NARS1: variants seen among roughly 807,000 people sequenced by gnomAD.
The protein encoded by NARS1 is asparagine--tRNA ligase, cytoplasmic.
In NARS1, 65 loss-of-function variants were observed where a neutral mutation model predicts 79.2. The observed-to-expected ratio is 0.82, with a 90% CI of 0.67 to 1.01. NARS1 has a LOEUF of 1.01. NARS1 is among the 50% of genes least tolerant of loss of function. NARS1 has a pLI of 0.00. For synonymous variants in NARS1, 229 were observed against 238.8 expected (o/e 0.96, Z 0.38); for missense variants, 649 against 673.8 (o/e 0.96, Z 0.41).
chr18:57,603,588 C>T (rs2051528490), intron 11 of NARS1, among the ~76,000 whole-genome samples: 1 of 152,170 alleles, frequency 6.6e-6, no homozygotes, highest in Non-Finnish European at 1.5e-5. Flanking sequence ...TCAAAACATC[C>T]TTCTATACCA....
chr18:57,613,594 C>T lies in NARS1; in HGVS notation c.421+8G>A. 6.2e-7 allele frequency: 1 copy of T among 1,608,922 alleles called. No individual in the cohort carries two copies. Among genetic ancestry groups the T allele is most frequent in the Non-Finnish European group, 8.5e-7 (1 of 1,176,328 alleles). On this transcript the variant is annotated splice_region_variant and intron_variant, in intron 5 of 13. Transcript: ENST00000256854. Reference sequence around the variant, plus strand: ...ACATTAAAAAGAAGGAAAAGCTTTGCCATTTACCTTGCCTGCGCAGCCTGT... The same window carrying T: ...ACATTAAAAAGAAGGAAAAGCTTTGTCATTTACCTTGCCTGCGCAGCCTGT...
intron 6 of NARS1, among the ~76,000 whole-genome samples, chr18:57,610,601 A>G (rs888023599): frequency 7.2e-5 from 11 of 152,200 alleles, no homozygotes; most frequent in African/African-American, 2.4e-4. Context: ...CCTCCAATTT[A>G]TAAAAAATGC....
At chr18:57,610,613 G>A (rs568020128) in intron 6 of NARS1, among the ~76,000 whole-genome samples, 85 of 152,092 alleles carry the variant, frequency 5.6e-4, no homozygotes, top group Non-Finnish European at 1.1e-3. Context: ...AAAAAATGCA[G>A]ACACTAGAAG....
Position 57,602,401 on chromosome 18 carries a change from T to G in NARS1, c.1469A>C (p.Lys490Thr). 5 of 1,614,014 alleles carry G rather than the reference T, an allele frequency of 3.1e-6. No individual in the cohort carries two copies. The highest frequency in any genetic ancestry group is 4.2e-6 in the Non-Finnish European group (5 of 1,179,880). ...GGGAGTGGGGTCAATCCCTTCCCTT[T>G]TATAACCTGCCAGTATTTCTTCACT... ...FDSEEILAGYKREGIDPTPYY... is the reference protein window; with the variant it reads ...FDSEEILAGYTREGIDPTPYY... The change falls in exon 13 of 14, where the codon AAA becomes ACA. Residue 490 changes from lysine to threonine, a missense_variant. Physicochemically the swap from Lys to Thr is moderately conservative, Grantham distance 78 (BLOSUM62 -1). Transcript: ENST00000256854.
intron 5 of NARS1, among the ~76,000 whole-genome samples, chr18:57,612,117 A>G (rs975335232): frequency 1.3e-5 from 2 of 152,160 alleles, no homozygotes; most frequent in African/African-American, 4.8e-5. Context: ...GACCTCCCAC[A>G]TGGCTCCCTG....
chr18:57,605,444 T>C (rs2051545660), intron 11 of NARS1, among the ~76,000 whole-genome samples: 1 of 150,952 alleles, frequency 6.6e-6, no homozygotes, highest in Non-Finnish European at 1.5e-5. Context: ...CTGTCTCTAC[T>C]AAAAATAAAA....
chr18:57,608,437 C>CAAAAAAAA (rs1175712420), intron 7 of NARS1, among the ~76,000 whole-genome samples: 27 of 78,236 alleles, frequency 3.5e-4, no homozygotes, highest in East Asian at 4.5e-4. Context: ...AACTCCGTCT[C>CAAAAAAAA]AAAAAAAAAA....
chr18:57,621,636 G>A (rs1908308472), intron 1 of NARS1, 72 bp downstream of exon 1: 2 of 1,354,520 alleles, frequency 1.5e-6, no homozygotes, highest in South Asian at 2.3e-5. Flanking sequence ...TAAGGAAAGC[G>A]CCGAAACCCG....
intron 2 of NARS1, among the ~76,000 whole-genome samples, chr18:57,616,563 G>A (rs1161146548): frequency 1.3e-5 from 2 of 152,182 alleles, no homozygotes; most frequent in Non-Finnish European, 1.5e-5. Context: ...TTAAGTGGCT[G>A]TAGCAACCAG....
At chr18:57,616,859 G>A (rs1393739895) in intron 2 of NARS1, among the ~76,000 whole-genome samples, 2 of 148,992 alleles carry the variant, frequency 1.3e-5, no homozygotes, top group African/African-American at 5.0e-5. Context: ...AAAATTAGCC[G>A]GGTGTGGTGG....
chr18:57,616,141 G>A (rs1356100648), intron 2 of NARS1, 166 bp from the exon 3 acceptor site: 2 of 642,978 alleles, frequency 3.1e-6, no homozygotes, highest in African/African-American at 1.9e-5. Context: ...GAAGCACACT[G>A]GTTGGCTGGG....
chr18:57,608,089 A>G (rs2122432750), intron 7 of NARS1, among the ~76,000 whole-genome samples: 1 of 150,830 alleles, frequency 6.6e-6, no homozygotes, highest in East Asian at 2.0e-4. Flanking sequence ...ACTGGTCTCG[A>G]TCTCCTGACC....
At chr18:57,615,766 T>G (rs1397090517) in intron 3 of NARS1, 36 bp from the exon 4 acceptor site, 1 of 1,610,506 alleles carries the variant, frequency 6.2e-7, no homozygotes, top group Non-Finnish European at 8.5e-7. Context: ...TTAACATGGT[T>G]GCCAGAGTTC....
At position 57,601,437 on chromosome 18, in the gene NARS1, C is replaced by T. The variant is rs1046104015; in HGVS notation, c.*215G>A. The T allele has an allele frequency of 1.2e-4, 51 of 413,428 alleles. No individual in the cohort carries two copies. The Admixed American group carries it at 1.4e-3, about 12-fold the overall frequency. The allele number at this position is 413,428 out of a possible 1,614,324, so 25.6% of individuals were successfully genotyped here. A position where few individuals can be genotyped will look rare whatever the true frequency, so the allele number is the denominator to read the frequency against. On this transcript the variant is annotated 3_prime_UTR_variant, in exon 14 of 14. Transcript: ENST00000256854. Reference sequence around the variant, plus strand: ...GGTATTTTCCCCGAACTTTGTTTCCCGAACTTAAGAAAAAAATGGATATTT... The same window carrying T: ...GGTATTTTCCCCGAACTTTGTTTCCTGAACTTAAGAAAAAAATGGATATTT...
rs1328237427 is a variant in NARS1, at chr18:57,601,709, C to T, written c.1590G>A (p.Arg530=). ...ATAAGCACACGTCTCGGATGTGATA[C>T]CTATTCAGAATCCACGTTAAGAATC... ...LERFLTWILN[R]YHIRDVCLYP... The change falls in exon 14 of 14, where the codon AGG becomes AGA. Residue 530 remains arginine, a synonymous_variant. Coordinates refer to ENST00000256854, the MANE Select transcript of NARS1 (RefSeq NM_004539.4). 5 of 1,613,500 alleles carry T rather than the reference C, an allele frequency of 3.1e-6. No homozygotes were observed. The Admixed American group carries it at 8.3e-5, about 27-fold the overall frequency.
rs771775635 is a variant in NARS1 at position 57,601,658 on chromosome 18, C to T, written c.1641G>A (p.Thr547=). The stretch of plus-strand genomic sequence containing the variant: ...ACGCTTCTGGAGAAAATGGTTATGG[C>T]GTGCAACGCTGGACAAATCGAGGGT... The part of the protein sequence containing the change: ...CLYPRFVQRC[T]P The change falls in exon 14 of 14, where the codon ACG becomes ACA. Residue 547 remains threonine (T), a synonymous_variant. Transcript: ENST00000256854. 6 of 1,613,374 alleles carry T rather than the reference C, an allele frequency of 3.7e-6. No homozygotes were observed. Among genetic ancestry groups the T allele is most frequent in the Non-Finnish European group, 5.1e-6 (6 of 1,179,496 alleles).
intron 6 of NARS1, 53 bp from the exon 7 acceptor site, chr18:57,609,496 T>C (rs1325513013): frequency 6.2e-6 from 9 of 1,457,760 alleles, no homozygotes; most frequent in Non-Finnish European, 8.6e-6. Flanking sequence ...TTAAAAATTC[T>C]ACCATATAGA....
chr18:57,609,492 A>G (rs778214278), intron 6 of NARS1, 49 bp from the exon 7 acceptor site: 2 of 1,463,466 alleles, frequency 1.4e-6, no homozygotes, highest in African/African-American at 1.4e-5. Flanking sequence ...TGATTTAAAA[A>G]TTCTACCATA....
At chr18:57,602,592 G>A (rs780504275) in intron 12 of NARS1, 106 bp from the exon 13 acceptor site, 95 of 1,323,498 alleles carry the variant, frequency 7.2e-5, no homozygotes, top group Non-Finnish European at 9.4e-5. Flanking sequence ...AGGGCTAAAG[G>A]AGCCACTATG....
Sources: allele counts gnomAD v4.1 joint callset (sites outside exome capture counted in the v4.1 genomes callset), GRCh38; gene constraint gnomAD v4.1.1; transcripts MANE v1.5; gene names NCBI Gene and HGNC (gene_info 2026-07-23, HGNC 2026-07-21).